The following NALCN variants were observed in gnomAD, a reference collection of about 807,000 sequenced individuals.
NALCN encodes sodium leak channel, non-selective.
Under a neutral mutation model 225.3 loss-of-function variants are expected in NALCN, and 111 were observed. That is an observed-to-expected ratio of 0.49 (90% CI 0.42 to 0.58). The LOEUF (loss-of-function observed/expected upper bound fraction) is 0.58, where lower values mean the gene tolerates loss of function less well. NALCN is among the 20% of genes least tolerant of loss of function. NALCN has a pLI of 0.00. For missense variants in NALCN, 1,378 were observed against 2,202.4 expected (o/e 0.63, Z 7.49); for synonymous variants, 764 against 769.0 (o/e 0.99, Z 0.11).
Position 101,082,802 on chromosome 13 carries a change from A to C in NALCN, c.3765+7T>G, listed in dbSNP as rs1180401849. 6.2e-7 allele frequency: 1 copy of C among 1,614,088 alleles called. No homozygotes were observed. ...TTCCCCCAGAGCTAGCTGACTCATT[A>C]CAGTACCTCCAGAACAAAGATGAAG... On this transcript the variant is annotated splice_region_variant and intron_variant, in intron 33 of 43. Coordinates refer to ENST00000251127, the MANE Select transcript of NALCN (RefSeq NM_052867.4).
At chr13:101,352,929 C>T (rs1010308054) in intron 6 of NALCN, among the ~76,000 whole-genome samples, 2 of 152,164 alleles carry the variant, frequency 1.3e-5, no homozygotes, top group Admixed American at 6.5e-5. Flanking sequence ...AGCTACAATA[C>T]ATTTCTGAAG....
intron 10 of NALCN, among the ~76,000 whole-genome samples, chr13:101,271,942 G>A (rs753668152): frequency 6.6e-6 from 1 of 151,638 alleles, no homozygotes; most frequent in African/African-American, 2.4e-5. Flanking sequence ...CGTGTGAAGT[G>A]TGTGTGCATG....
intron 40 of NALCN, among the ~76,000 whole-genome samples, chr13:101,062,335 C>A (rs2032020796): frequency 6.6e-6 from 1 of 152,138 alleles, no homozygotes; most frequent in Admixed American, 6.5e-5. Flanking sequence ...CCTGGTAACT[C>A]CTTTATTTAA....
chr13:101,160,946 G>A (rs891785160), intron 15 of NALCN, among the ~76,000 whole-genome samples: 3 of 152,200 alleles, frequency 2.0e-5, no homozygotes, highest in African/African-American at 4.8e-5. Flanking sequence ...AAATACACAA[G>A]GAGGAAAACA....
intron 14 of NALCN, 37 bp from the exon 15 acceptor site, chr13:101,176,411 T>C: frequency 6.8e-7 from 1 of 1,478,352 alleles, no homozygotes. Context: ...AAAACCCACA[T>C]GCCATAAGTA....
intron 14 of NALCN, among the ~76,000 whole-genome samples, chr13:101,182,602 G>A (rs1189949924): frequency 6.6e-6 from 1 of 152,200 alleles, no homozygotes; most frequent in African/African-American, 2.4e-5. Context: ...GTATGTGTGT[G>A]GTAGGGGGCT....
At chr13:101,179,350 A>G (rs2039096008) in intron 14 of NALCN, among the ~76,000 whole-genome samples, 2 of 152,202 alleles carry the variant, frequency 1.3e-5, no homozygotes, top group Non-Finnish European at 1.5e-5. Context: ...CAACCCTGAC[A>G]TGTAGTATAG....
intron 6 of NALCN, among the ~76,000 whole-genome samples, chr13:101,369,166 A>ATGTGTGTGTGTGTGTG (rs56739782): frequency 0.012 from 1,795 of 146,388 alleles, 14 homozygotes; most frequent in Middle Eastern, 0.024. Flanking sequence ...GACAAAATAA[A>ATGTGTGTGTGTGTGTG]TGTGTGTGTG....
intron 18 of NALCN, among the ~76,000 whole-genome samples, chr13:101,113,628 T>C (rs560786695): frequency 1.3e-5 from 2 of 152,186 alleles, no homozygotes; most frequent in Non-Finnish European, 2.9e-5. Context: ...TAGATAAGCA[T>C]ATACAGTAAG....
At chr13:101,094,588 GC>G (rs527430734) in intron 28 of NALCN, among the ~76,000 whole-genome samples, 19 of 151,832 alleles carry the variant, frequency 1.3e-4, no homozygotes, top group Non-Finnish European at 2.1e-4. Flanking sequence ...CAGCAGTGGG[GC>G]CAGGATATTC....
chr13:101,155,314 G>A (rs1052294733), intron 15 of NALCN, among the ~76,000 whole-genome samples: 2 of 152,188 alleles, frequency 1.3e-5, no homozygotes, highest in African/African-American at 4.8e-5. Flanking sequence ...TGATCCAGGA[G>A]CTCATCCTGG....
At chr13:101,187,164 G>A (rs61974012) in intron 14 of NALCN, among the ~76,000 whole-genome samples, 25,754 of 151,948 alleles carry the variant, frequency 0.17, 2,562 homozygotes, top group East Asian at 0.37. Context: ...GAGAGAATGC[G>A]TATTCACATA....
intron 1 of NALCN, among the ~76,000 whole-genome samples, chr13:101,405,349 A>C (rs570099956): frequency 6.6e-6 from 1 of 152,296 alleles, no homozygotes; most frequent in South Asian, 2.1e-4. Context: ...TTCAACTAGG[A>C]AAAAATACCC....
intron 37 of NALCN, among the ~76,000 whole-genome samples, chr13:101,070,536 A>G (rs2032797593): frequency 6.6e-6 from 1 of 152,250 alleles, no homozygotes; most frequent in African/African-American, 2.4e-5. Flanking sequence ...ATCCATGGAC[A>G]GAATGGATGT....
chr13:101,279,857 A>G (rs2043106291), intron 10 of NALCN, among the ~76,000 whole-genome samples: 5 of 147,940 alleles, frequency 3.4e-5, no homozygotes, highest in South Asian at 2.1e-4. Flanking sequence ...ATAAATAAAT[A>G]AATAAATAAA....
rs531226297 is a variant in NALCN at position 101,292,622 on chromosome 13, C to T, written c.800-256G>A. Among the ~76,000 whole-genome samples the T allele has an allele frequency of 3.3e-5, 5 of 151,910 alleles. No homozygotes were observed. Among genetic ancestry groups the T allele is most frequent in the South Asian group, 2.1e-4 (1 of 4,802 alleles). On this transcript the variant is annotated intron_variant, in intron 7 of 43. Coordinates refer to ENST00000251127, the MANE Select transcript of NALCN (RefSeq NM_052867.4). This position sits in a 1 kb window ranked among gnomAD's most constrained non-coding sequence, Gnocchi z 4.3. ...ATATTATACCTTTAGCTGTTAAATG[C>T]AAATAATAATGTGGAAAAGGAAATA...
chr13:101,189,681 C>T (rs536832037), intron 14 of NALCN, among the ~76,000 whole-genome samples: 3 of 152,170 alleles, frequency 2.0e-5, no homozygotes, highest in Non-Finnish European at 4.4e-5. Context: ...AAACTGTTCT[C>T]GTTAACATGT....
chr13:101,163,936 C>G (rs991373411), intron 15 of NALCN, among the ~76,000 whole-genome samples: 1 of 152,118 alleles, frequency 6.6e-6, no homozygotes. Context: ...GCCAGCAATC[C>G]TGGGTGTTCC....
intron 11 of NALCN, among the ~76,000 whole-genome samples, chr13:101,252,553 G>C (rs1271261960): frequency 6.6e-6 from 1 of 152,120 alleles, no homozygotes; most frequent in Non-Finnish European, 1.5e-5. Context: ...ATGACAAGTT[G>C]GGGAGATATG....
Sources: allele counts gnomAD v4.1 joint callset (sites outside exome capture counted in the v4.1 genomes callset), GRCh38; gene constraint gnomAD v4.1.1; non-coding constraint Gnocchi (gnomAD v3.1); transcripts MANE v1.5; gene names NCBI Gene and HGNC (gene_info 2026-07-23, HGNC 2026-07-21).